The following TSPEAR variants were observed in gnomAD, a reference collection of about 807,000 sequenced individuals.
The protein encoded by TSPEAR is thrombospondin type laminin G domain and EAR repeats.
A neutral mutation model predicts 71.6 loss-of-function variants in TSPEAR; 69 were observed. That is an observed-to-expected ratio of 0.96 (90% CI 0.79 to 1.18). TSPEAR has a LOEUF of 1.18. Ranked by LOEUF, TSPEAR falls within the 50% of genes most tolerant of loss-of-function variation. The probability of loss-of-function intolerance (pLI) is 0.00; values close to 1 mark genes in which losing one functional copy is unlikely to be tolerated. For synonymous variants in TSPEAR, 402 were observed against 387.2 expected, an observed-to-expected ratio of 1.04 and a Z score of -0.45; for missense variants, 971 against 894.9, an observed-to-expected ratio of 1.09 and a Z score of -1.09.
In TSPEAR at chr21:44,516,871, T is replaced by C. The variant is rs587645302; in HGVS notation, c.1566+5012A>G. 1.3e-4 allele frequency among the ~76,000 whole-genome samples: 20 copies of C among 152,194 alleles called. No homozygotes were observed. In the South Asian group the frequency reaches 4.1e-3, roughly 32 times the overall value. The stretch of plus-strand genomic sequence containing the variant: ...TCCCCTCCTGGGTATGGCCCTCCCC[T>C]CCTTCCTTCCCAGAGGAAGAAAACA... On this transcript the variant is annotated intron_variant, in intron 9 of 11. Coordinates refer to ENST00000323084, the MANE Select transcript of TSPEAR (RefSeq NM_144991.3).
intron 1 of TSPEAR, among the ~76,000 whole-genome samples, chr21:44,628,935 GGGTGGGTGGAGGGCC>G (rs1420468271): frequency 7.7e-6 from 1 of 129,704 alleles, no homozygotes; most frequent in African/African-American, 2.8e-5. Flanking sequence ...GTGCTGGGCT[GGGTGGGTGGAGGGCC>G]GGTGGGAACA....
At position 44,521,978 on chromosome 21, in the gene TSPEAR, C is replaced by A; in HGVS notation, c.1471G>T (p.Val491Leu). The A allele has an allele frequency of 6.2e-7, 1 of 1,614,132 alleles. No individual in the cohort carries two copies. The highest frequency in any genetic ancestry group is 8.5e-7 in the Non-Finnish European group (1 of 1,180,016). The change falls in exon 9 of 12, where the codon GTG becomes TTG. Residue 491 changes from valine to leucine, a missense_variant. Transcript: ENST00000323084. Reference protein sequence around the residue: ...FFSVGPYSFLVVANTFNGTST... With the variant: ...FFSVGPYSFLLVANTFNGTST... ...GTGCCGTTGAAGGTGTTGGCCACCA[C>A]CAGGAACGAGTAGGGCCCCACACTG...
intron 1 of TSPEAR, among the ~76,000 whole-genome samples, chr21:44,594,346 T>C (rs1555927366): frequency 6.6e-6 from 1 of 152,262 alleles, no homozygotes; most frequent in African/African-American, 2.4e-5. Flanking sequence ...TTAGGTGACG[T>C]CCAGGAAGCC....
At chr21:44,507,926 C>T (rs2052241749) in intron 10 of TSPEAR, 1 of 152,248 alleles carries the variant, frequency 6.6e-6, no homozygotes. Flanking sequence ...CCAGTGCCCC[C>T]AGCAGACACC....
chr21:44,543,701 T>C (rs1471398424), intron 2 of TSPEAR, among the ~76,000 whole-genome samples: 6 of 152,184 alleles, frequency 3.9e-5, no homozygotes, highest in Non-Finnish European at 5.9e-5. Context: ...GGAGTGAAGA[T>C]AGAAGCCAAG....
chr21:44,626,585 CA>C (rs1555934394), intron 1 of TSPEAR, among the ~76,000 whole-genome samples: 1 of 152,194 alleles, frequency 6.6e-6, no homozygotes, highest in Non-Finnish European at 1.5e-5. Flanking sequence ...GCCTCCCAAG[CA>C]AAGGACAGGG....
intron 11 of TSPEAR, among the ~76,000 whole-genome samples, chr21:44,501,981 C>A (rs587731889): frequency 6.6e-6 from 1 of 152,134 alleles, no homozygotes; most frequent in Non-Finnish European, 1.5e-5. Context: ...AGAAAACCAC[C>A]GAGCAATCTA....
At chr21:44,647,226 C>T in intron 1 of TSPEAR, 1 of 1,606,638 alleles carries the variant, frequency 6.2e-7, no homozygotes, top group Non-Finnish European at 8.5e-7. Flanking sequence ...TCTCCTCCTG[C>T]TGTGCCCCCA....
chr21:44,524,731 A>T (rs999421391), intron 8 of TSPEAR, among the ~76,000 whole-genome samples: 2 of 151,732 alleles, frequency 1.3e-5, no homozygotes, highest in African/African-American at 4.9e-5. Context: ...TCAGTCAGTG[A>T]GACAGTCAGT....
At chr21:44,519,528 C>T (rs1377346977) in intron 9 of TSPEAR, 1 of 152,350 alleles carries the variant, frequency 6.6e-6, no homozygotes, top group Non-Finnish European at 1.5e-5. Context: ...CAGGCTAACC[C>T]ATGACCGAAG....
chr21:44,504,807 G>C lies in TSPEAR; in HGVS notation c.1829C>G (p.Thr610Ser), dbSNP rs149397253. The C allele has an allele frequency of 6.2e-6, 10 of 1,613,716 alleles. No individual in the cohort carries two copies. Among genetic ancestry groups the C allele is most frequent in the Non-Finnish European group, 8.5e-6 (10 of 1,179,864 alleles). Reference sequence around the variant, plus strand: ...GTAAATAATACTGTTCACCGAGAAGGTACGCCCATCGAAGGAGTTGGCCAC... The same window carrying C: ...GTAAATAATACTGTTCACCGAGAAGCTACGCCCATCGAAGGAGTTGGCCAC... ...LVVANSFDGR[T>S]FSVNSIIYRW... Residue 610 changes from threonine to serine, a missense_variant, in exon 11 of 12, where the codon ACC (threonine) becomes AGC (serine). Transcript: ENST00000323084.
At position 44,612,014 on chromosome 21, in the gene TSPEAR, C is replaced by A; in HGVS notation, c.83-44009G>T. 1 of 1,375,204 alleles carries A rather than the reference C, an allele frequency of 7.3e-7. No homozygotes were observed. Among genetic ancestry groups the A allele is most frequent in the South Asian group, 1.3e-5 (1 of 77,218 alleles). The allele number at this position is 1,375,204 out of a possible 1,614,324, so 85.2% of individuals were successfully genotyped here. A position where few individuals can be genotyped will look rare whatever the true frequency, so the allele number is the denominator to read the frequency against. On this transcript the variant is annotated intron_variant, in intron 1 of 11. Coordinates refer to ENST00000323084, the MANE Select transcript of TSPEAR (RefSeq NM_144991.3). The surrounding 1 kb of genome is among the most constrained non-coding windows in gnomAD (Gnocchi z 4.1). ...GTGAGACTCCTGTGAGGAAAATACC[C>A]AGGGAGGGTATAAAACCTCAGCAGC...
intron 9 of TSPEAR, chr21:44,515,890 G>T (rs1215784136): frequency 6.6e-6 from 1 of 152,254 alleles, no homozygotes; most frequent in Non-Finnish European, 1.5e-5. Context: ...TGAGTGAAGG[G>T]CTGAGACCCC....
chr21:44,538,426 C>A (rs373165611), intron 2 of TSPEAR, among the ~76,000 whole-genome samples: 1,358 of 123,128 alleles, frequency 0.011, 28 homozygotes, highest in African/African-American at 0.045. Context: ...ACTGCTGCCC[C>A]CCCCCCCCCC....
intron 1 of TSPEAR, among the ~76,000 whole-genome samples, chr21:44,617,309 C>T (rs51336): frequency 0.7 from 105,913 of 152,184 alleles, 40,775 homozygotes; most frequent in Non-Finnish European, 0.87. Context: ...CTCCTGTGCA[C>T]GCTCACAGAT....
intron 1 of TSPEAR, among the ~76,000 whole-genome samples, chr21:44,673,895 A>G (rs1226411992): frequency 7.2e-6 from 1 of 138,656 alleles, no homozygotes; most frequent in African/African-American, 2.5e-5. Flanking sequence ...AAGGAAATCA[A>G]AAAATTTCTC....
intron 1 of TSPEAR, among the ~76,000 whole-genome samples, chr21:44,698,212 GCCT>G (rs1174417803): frequency 3.3e-5 from 5 of 152,108 alleles, no homozygotes; most frequent in African/African-American, 1.2e-4. Context: ...AAGCTGCTGT[GCCT>G]CCTCTGGCCA....
At chr21:44,569,436 T>C (rs1476107779) in intron 1 of TSPEAR, among the ~76,000 whole-genome samples, 2 of 152,068 alleles carry the variant, frequency 1.3e-5, no homozygotes, top group African/African-American at 4.8e-5. Flanking sequence ...TGCAGGACGC[T>C]GCCTGGGCCT....
At chr21:44,573,681 A>AC in intron 1 of TSPEAR, 1 of 1,561,756 alleles carries the variant, frequency 6.4e-7, no homozygotes, top group Non-Finnish European at 8.7e-7. Flanking sequence ...AGCCCCACAA[A>AC]CCCGAGCACC....
Sources: allele counts gnomAD v4.1 joint callset (sites outside exome capture counted in the v4.1 genomes callset), GRCh38; gene constraint gnomAD v4.1.1; non-coding constraint Gnocchi (gnomAD v3.1); transcripts MANE v1.5; gene names NCBI Gene and HGNC (gene_info 2026-07-23, HGNC 2026-07-21).